The following BBOF1 variants were observed in gnomAD, a reference collection of about 807,000 sequenced individuals.
BBOF1 encodes basal body orientation factor 1, also known as basal body-orientation factor 1.
BBOF1 carries 62 observed loss-of-function variants against 68.0 expected under a neutral mutation model. That is an observed-to-expected ratio of 0.91 (90% CI 0.74 to 1.13). BBOF1 has a LOEUF of 1.13. Among genes scored for constraint, BBOF1 ranks in the 50% most tolerant of loss-of-function variants. The probability of loss-of-function intolerance (pLI) is 0.00; values close to 1 mark genes in which losing one functional copy is unlikely to be tolerated. For synonymous variants in BBOF1, 208 were observed against 198.8 expected (o/e 1.05, Z -0.39); for missense variants, 534 against 600.1 (o/e 0.89, Z 1.15).
rs762571931 is a variant in BBOF1 at position 74,065,347 on chromosome 14, C to A, written c.*648C>A. Reference sequence around the variant, plus strand: ...TGGACCAAAAATCTCCTCTTTGTAACAGGTCATATTTGGCTGCCAGGAGTG... The same window carrying A: ...TGGACCAAAAATCTCCTCTTTGTAAAAGGTCATATTTGGCTGCCAGGAGTG... On this transcript the variant is annotated 3_prime_UTR_variant, in exon 12 of 12. Coordinates refer to ENST00000394009, the MANE Select transcript of BBOF1 (RefSeq NM_025057.3). The A allele has an allele frequency of 6.8e-6, 11 of 1,614,040 alleles. No individual in the cohort carries two copies. The highest frequency in any genetic ancestry group is 9.3e-6 in the Non-Finnish European group (11 of 1,180,022).
intron 6 of BBOF1, 149 bp downstream of exon 6, chr14:74,046,279 C>T: frequency 1.7e-6 from 1 of 595,920 alleles, no homozygotes; most frequent in Non-Finnish European, 2.9e-6. Flanking sequence ...GTTTCTTTCT[C>T]TTTGTATACT....
downstream of BBOF1, among the ~76,000 whole-genome samples, chr14:74,068,468 G>A (rs535690549): frequency 6.6e-6 from 1 of 151,516 alleles, no homozygotes; most frequent in South Asian, 2.1e-4. Flanking sequence ...GGAGGATATG[G>A]TAAGGCTTAC....
intron 5 of BBOF1, among the ~76,000 whole-genome samples, chr14:74,041,086 G>A (rs2059816855): frequency 6.6e-6 from 1 of 152,186 alleles, no homozygotes. Context: ...GGGAGGCCGA[G>A]GCAGGTGGAT....
rs963427087 is a variant in BBOF1 at position 74,047,569 on chromosome 14, G to A, written c.648-361G>A. Among the ~76,000 whole-genome samples, 86 of 152,000 alleles carry A rather than the reference G, an allele frequency of 5.7e-4. 1 individual carries two copies. Among genetic ancestry groups the A allele is most frequent in the African/African-American group, 2.0e-3 (82 of 41,476 alleles). On this transcript the variant is annotated intron_variant, in intron 6 of 11. Transcript: ENST00000394009. ...CTTCCTCAGCTTCCTGAGTAGCTGC[G>A]ACAGACTACAGGTGCAAACCACCAC...
intron 5 of BBOF1, among the ~76,000 whole-genome samples, chr14:74,044,241 G>C (rs1282458887): frequency 6.6e-6 from 1 of 150,588 alleles, no homozygotes; most frequent in Non-Finnish European, 1.5e-5. Flanking sequence ...GTGAGACTCT[G>C]TCTCAAAACA....
At chr14:74,042,037 AAAC>A (rs147407110) in intron 5 of BBOF1, among the ~76,000 whole-genome samples, 16,907 of 151,894 alleles carry the variant, frequency 0.11, 1,220 homozygotes, top group Admixed American at 0.19. Flanking sequence ...ACTCTGTCTC[AAAC>A]AACAACAACA....
Position 74,034,171 on chromosome 14 carries a change from T to C in BBOF1, c.495T>C (p.Asp165=). Residue 165 remains aspartate (D), a splice_region_variant and synonymous_variant, in exon 4 of 12, where the codon GAT becomes GAC. Coordinates refer to ENST00000394009, the MANE Select transcript of BBOF1 (RefSeq NM_025057.3). ...RKIQVERELD[D]LKENLRNTER... is the part of the protein sequence containing the mutation. ...TCCAAGTGGAGAGAGAGTTAGATGA[T>C]GTAAGTTTCATTCCTTTTTTACAAA... The C allele has an allele frequency of 6.5e-7, 1 of 1,540,156 alleles. No individual in the cohort carries two copies. The highest frequency in any genetic ancestry group is 8.7e-7 in the Non-Finnish European group (1 of 1,144,574).
chr14:74,047,256 C>T (rs576336670), intron 6 of BBOF1, among the ~76,000 whole-genome samples: 135 of 152,180 alleles, frequency 8.9e-4, no homozygotes, highest in Non-Finnish European at 1.5e-3. Context: ...GGCAGCTCTC[C>T]TCCAGGGATG....
intron 9 of BBOF1, chr14:74,071,578 A>G (rs2060549496): frequency 6.2e-7 from 1 of 1,609,132 alleles, no homozygotes; most frequent in African/African-American, 1.3e-5. Context: ...CCCTGAGGAC[A>G]GGAAGTGGTT....
chr14:74,064,950 TA>T lies in BBOF1; in HGVS notation c.*253del, dbSNP rs1293102368. The T allele has an allele frequency of 6.3e-7, 1 of 1,593,618 alleles. No individual in the cohort carries two copies. The highest frequency in any genetic ancestry group is 2.2e-5 in the East Asian group (1 of 44,612). Reference sequence around the variant, plus strand: ...AACAGAACAAATCCGTGTCATATCCTAAGGACAAAGGAACTCTCCATTTAGA... The same window carrying T: ...AACAGAACAAATCCGTGTCATATCCTAGGACAAAGGAACTCTCCATTTAGA... On this transcript the variant is annotated 3_prime_UTR_variant, in exon 12 of 12. Transcript: ENST00000394009.
chr14:74,025,257 T>C (rs2059398223), intron 2 of BBOF1, among the ~76,000 whole-genome samples: 3 of 152,196 alleles, frequency 2.0e-5, no homozygotes, highest in African/African-American at 7.2e-5. Context: ...TTGTACTTCC[T>C]GATTCTCATC....
At chr14:74,022,613 G>C (rs2059328571) in intron 1 of BBOF1, among the ~76,000 whole-genome samples, 1 of 152,076 alleles carries the variant, frequency 6.6e-6, no homozygotes, top group Non-Finnish European at 1.5e-5. Flanking sequence ...TTTTCCCTTT[G>C]TTTTACCAGT....
chr14:74,034,235 C>T, intron 4 of BBOF1, 64 bp downstream of exon 4: 1 of 1,116,840 alleles, frequency 9.0e-7, no homozygotes, highest in East Asian at 3.1e-5. Context: ...CTACAGAAGC[C>T]TTCACAAACA....
chr14:74,069,092 T>C (rs2060512724), downstream of BBOF1: 2 of 1,111,694 alleles, frequency 1.8e-6, no homozygotes, highest in Non-Finnish European at 2.5e-6. Context: ...TGTTTTTCTT[T>C]TACTTTTTCT....
chr14:74,064,601 T>G (rs2060427799), intron 11 of BBOF1, 87 bp from the exon 12 acceptor site: 2 of 1,306,606 alleles, frequency 1.5e-6, no homozygotes, highest in Non-Finnish European at 2.2e-6. Context: ...GACTTCCCCA[T>G]GCTCTTTCCT....
chr14:74,043,325 T>C (rs951428327), intron 5 of BBOF1, among the ~76,000 whole-genome samples: 1 of 145,858 alleles, frequency 6.9e-6, no homozygotes, highest in African/African-American at 2.5e-5. Flanking sequence ...CCGAGGCGGG[T>C]GGATCATGAG....
At chr14:74,059,892 A>T (rs2060302564) in intron 11 of BBOF1, 1 of 153,418 alleles carries the variant, frequency 6.5e-6, no homozygotes, top group South Asian at 2.0e-4. Flanking sequence ...AGTGGTCATG[A>T]ATTACTAGGA....
At chr14:74,082,462 C>T (rs532326742) in intron 12 of BBOF1, among the ~76,000 whole-genome samples, 2 of 136,962 alleles carry the variant, frequency 1.5e-5, no homozygotes, top group African/African-American at 5.5e-5. Flanking sequence ...TGCAATGGCA[C>T]GATCTCAGCT....
At chr14:74,020,127 A>G (rs1357591890) in intron 1 of BBOF1, among the ~76,000 whole-genome samples, 1 of 152,262 alleles carries the variant, frequency 6.6e-6, no homozygotes, top group Non-Finnish European at 1.5e-5. Flanking sequence ...TCATTATCCA[A>G]AAATAAACAC....
Sources: gnomAD v4.1 joint callset for allele counts (sites outside exome capture counted in the v4.1 genomes callset) on GRCh38, gnomAD v4.1.1 for gene constraint, MANE v1.5 for transcripts, NCBI Gene and HGNC (gene_info 2026-07-23, HGNC 2026-07-21) for gene names.